The following ATL1 variants were observed in gnomAD, a reference collection of about 807,000 sequenced individuals.
The protein encoded by ATL1 is atlastin GTPase 1.
Under a neutral mutation model 75.5 loss-of-function variants are expected in ATL1, and 31 were observed. The observed-to-expected ratio is 0.41, with a 90% CI of 0.31 to 0.55. ATL1 has a LOEUF of 0.55. ATL1 is among the 20% of genes least tolerant of loss of function. The pLI is 0.27. For synonymous variants in ATL1, 226 were observed against 233.3 expected, an observed-to-expected ratio of 0.97 and a Z score of 0.28; for missense variants, 405 against 662.6, an observed-to-expected ratio of 0.61 and a Z score of 4.27.
In ATL1 at chr14:50,588,076, C is replaced by T; in HGVS notation, c.280C>T (p.Gln94Ter). 1.2e-6 allele frequency: 2 copies of T among 1,614,132 alleles called. No individual in the cohort carries two copies. Among genetic ancestry groups the T allele is most frequent in the Non-Finnish European group, 1.7e-6 (2 of 1,180,014 alleles). ...CTTCATGTTGAGATACATGTACAAC[C>T]AGGTATGCAGGAAGTACTTTAAAAA... The part of the protein sequence containing the change: ...MDFMLRYMYN[Q>*]ESVDWVGDYN... Residue 94 changes from glutamine (Q) to a stop codon, truncating the protein, a stop_gained and splice_region_variant, in exon 2 of 14, where the codon CAG (glutamine) becomes TAG (stop). Transcript: ENST00000358385. LOFTEE classifies it high-confidence loss of function.
intron 9 of ATL1, among the ~76,000 whole-genome samples, chr14:50,620,978 T>A (rs2039462304): frequency 6.6e-6 from 1 of 152,198 alleles, no homozygotes; most frequent in African/African-American, 2.4e-5. Context: ...GGAGCTGTAT[T>A]TTGAAATATG....
At chr14:50,570,297 C>G (rs1482493928) in intron 1 of ATL1, among the ~76,000 whole-genome samples, 1 of 152,064 alleles carries the variant, frequency 6.6e-6, no homozygotes, top group Non-Finnish European at 1.5e-5. Context: ...TTCAAGTTTG[C>G]TGATTTTTTT....
chr14:50,594,118 A>C (rs1175075179), intron 5 of ATL1, among the ~76,000 whole-genome samples: 4 of 152,242 alleles, frequency 2.6e-5, no homozygotes, highest in Admixed American at 2.6e-4. Context: ...GAAAGGCCTC[A>C]GGAAATTTAC....
intron 1 of ATL1, among the ~76,000 whole-genome samples, chr14:50,545,899 C>G (rs943873836): frequency 1.3e-5 from 2 of 152,188 alleles, no homozygotes; most frequent in Admixed American, 6.5e-5. Context: ...CAAGAAAAAT[C>G]CAGAGCTCAA....
At chr14:50,629,449 C>T (rs1324962446) in intron 12 of ATL1, among the ~76,000 whole-genome samples, 2 of 151,928 alleles carry the variant, frequency 1.3e-5, no homozygotes, top group African/African-American at 2.4e-5. Flanking sequence ...GTCATAGTGG[C>T]GCATGCCTGT....
Position 50,588,027 on chromosome 14 carries a change from A to G in ATL1, c.231A>G (p.Arg77=). The G allele has an allele frequency of 1.2e-6, 2 of 1,614,226 alleles. No homozygotes were observed. Among genetic ancestry groups the G allele is most frequent in the Non-Finnish European group, 8.5e-7 (1 of 1,180,030 alleles). The change falls in exon 2 of 14, where the codon AGA becomes AGG. Residue 77 remains arginine (R), a synonymous_variant. Coordinates refer to ENST00000358385, the MANE Select transcript of ATL1 (RefSeq NM_015915.5). ...VVAVSVAGAF[R]KGKSFLMDFM... ...CTGTATCTGTTGCTGGAGCATTTAGAAAAGGAAAATCATTCCTGATGGACT... is the reference window on the plus strand; with the variant it reads ...CTGTATCTGTTGCTGGAGCATTTAGGAAAGGAAAATCATTCCTGATGGACT...
intron 10 of ATL1, 128 bp downstream of exon 10, chr14:50,622,027 A>G: frequency 1.3e-6 from 1 of 748,090 alleles, no homozygotes; most frequent in East Asian, 2.7e-5. Flanking sequence ...TAATAACTTT[A>G]CCTATTTATG....
rs572310220 is a variant in ATL1 at position 50,595,562 on chromosome 14, A to C, written c.574-14A>C. 5 of 1,612,190 alleles carry C rather than the reference A, an allele frequency of 3.1e-6. No homozygotes were observed. In the African/African-American group the frequency reaches 6.7e-5, roughly 22 times the overall value. On this transcript the variant is annotated splice_polypyrimidine_tract_variant and intron_variant, in intron 5 of 13. Transcript: ENST00000358385. ...TCTCTCTGTGTATGTGTGTGTGTGT[A>C]ATTTTTTTTCTAGCTTTTCACTGAG...
chr14:50,558,029 A>AT (rs573461338), upstream of ATL1, among the ~76,000 whole-genome samples: 15 of 152,316 alleles, frequency 9.8e-5, no homozygotes, highest in East Asian at 1.9e-3. Context: ...GCATAGCACA[A>AT]TTTTTTTAAA....
intron 6 of ATL1, among the ~76,000 whole-genome samples, chr14:50,600,247 G>A (rs532247131): frequency 2.0e-5 from 3 of 150,114 alleles, no homozygotes; most frequent in Non-Finnish European, 3.0e-5. Context: ...ATAGAGTTGC[G>A]GCTTTTGGTT....
chr14:50,591,867 G>T (rs1184754038), intron 4 of ATL1: 2 of 479,378 alleles, frequency 4.2e-6, no homozygotes, highest in Non-Finnish European at 7.5e-6. Context: ...GTTAGAAAAG[G>T]TCATATTATC....
chr14:50,559,942 T>G (rs759303553), upstream of ATL1: 3 of 425,670 alleles, frequency 7.0e-6, no homozygotes, highest in South Asian at 5.6e-5. Context: ...AGGGGGGTGC[T>G]GTTTATTTGT....
intron 8 of ATL1, among the ~76,000 whole-genome samples, chr14:50,617,910 G>A (rs1218701121): frequency 6.6e-6 from 1 of 152,144 alleles, no homozygotes; most frequent in African/African-American, 2.4e-5. Flanking sequence ...CTTATTTTCT[G>A]AATCCAAAAT....
At chr14:50,612,452 GT>G (rs1249116604) in intron 6 of ATL1, among the ~76,000 whole-genome samples, 1 of 152,076 alleles carries the variant, frequency 6.6e-6, no homozygotes, top group Non-Finnish European at 1.5e-5. Flanking sequence ...CCAGCTCAAT[GT>G]TTTCCAAAAT....
At chr14:50,560,509 T>A (rs961798555) in intron 1 of ATL1, 2 of 634,410 alleles carry the variant, frequency 3.2e-6, no homozygotes, top group Non-Finnish European at 5.5e-6. Context: ...GGGTGAGGGC[T>A]GCAGCTTCGC....
intron 1 of ATL1, among the ~76,000 whole-genome samples, chr14:50,533,618 T>G (rs909537976): frequency 6.6e-6 from 1 of 152,108 alleles, no homozygotes; most frequent in Admixed American, 6.6e-5. Flanking sequence ...TAGAGCCTCA[T>G]AGAGAATTTG....
At chr14:50,574,931 GTGTGTGTATATATATATATATATATATA>G (rs1265450994) in intron 1 of ATL1, among the ~76,000 whole-genome samples, 14 of 78,746 alleles carry the variant, frequency 1.8e-4, no homozygotes, top group Non-Finnish European at 2.7e-4. Flanking sequence ...GTGTGTGTGT[GTGTGTGTATATATATATATATATATATA>G]TATATATATA....
Position 50,544,487 on chromosome 14 carries a change from T to C in ATL1, c.-140+11120T>C, listed in dbSNP as rs551066758. 4.6e-5 allele frequency among the ~76,000 whole-genome samples: 7 copies of C among 152,312 alleles called. No individual in the cohort carries two copies. The East Asian group carries it at 1.3e-3, about 29-fold the overall frequency. On this transcript the variant is annotated intron_variant, in intron 1 of 13. Transcript: ENST00000441560. ...CTGGACAATGACACAGGAGGAAAAGTCTGCTGGAGTGCTTCTAGGAAGGTT... is the reference window on the plus strand; with the variant it reads ...CTGGACAATGACACAGGAGGAAAAGCCTGCTGGAGTGCTTCTAGGAAGGTT...
chr14:50,555,476 G>A (rs760330028), upstream of ATL1, among the ~76,000 whole-genome samples: 56 of 152,220 alleles, frequency 3.7e-4, no homozygotes, highest in Non-Finnish European at 6.9e-4. Flanking sequence ...TAGAGACGGG[G>A]TTTCACCGTG....
Sources: gnomAD v4.1 joint callset for allele counts (sites outside exome capture counted in the v4.1 genomes callset) on GRCh38, gnomAD v4.1.1 for gene constraint, MANE v1.5 for transcripts, NCBI Gene and HGNC (gene_info 2026-07-23, HGNC 2026-07-21) for gene names.